The following CNOT6 variants were observed in gnomAD, a reference collection of about 807,000 sequenced individuals.
The protein encoded by CNOT6 is carbon catabolite repression 4 protein.
In CNOT6, 12 loss-of-function variants were observed where a neutral mutation model predicts 61.2. The observed-to-expected ratio is 0.20, with a 90% confidence interval of 0.13 to 0.32. The LOEUF is 0.32. Among genes scored for constraint, CNOT6 ranks in the 10% least tolerant of loss-of-function variants. CNOT6 has a pLI of 1.00. For missense variants in CNOT6, 405 were observed against 663.9 expected, an observed-to-expected ratio of 0.61 and a Z score of 4.28; for synonymous variants, 225 against 240.6, an observed-to-expected ratio of 0.94 and a Z score of 0.60.
At chr5:180,563,246 C>T (rs867569641) in intron 4 of CNOT6, among the ~76,000 whole-genome samples, 15 of 146,210 alleles carry the variant, frequency 1.0e-4, no homozygotes, top group Admixed American at 2.1e-4. Flanking sequence ...GACAGAGTCT[C>T]GCTCTGTTGC....
chr5:180,568,149 C>T, intron 9 of CNOT6, 146 bp downstream of exon 9: 1 of 674,548 alleles, frequency 1.5e-6, no homozygotes, highest in South Asian at 3.2e-5. Context: ...TAAAATGTAT[C>T]TCTTTTTCTC....
chr5:180,505,117 C>T lies in CNOT6; in HGVS notation c.-3+10354C>T, dbSNP rs1015698503. On this transcript the variant is annotated intron_variant, in intron 1 of 11. Transcript: ENST00000261951. ...GGGACTACAGGCCTCTGCCACCACA[C>T]CCAGCTAATTTTTTTTGTATTTTTA... Among the ~76,000 whole-genome samples, 47 of 151,000 alleles carry T rather than the reference C, an allele frequency of 3.1e-4. 1 individual carries two copies. Among genetic ancestry groups the T allele is most frequent in the African/African-American group, 1.1e-3 (46 of 41,150 alleles).
chr5:180,519,580 T>C (rs1025528356), intron 1 of CNOT6, among the ~76,000 whole-genome samples: 15 of 152,278 alleles, frequency 9.9e-5, no homozygotes, highest in African/African-American at 3.6e-4. Context: ...AAATGTATAA[T>C]TTGAGTCTTG....
At chr5:180,539,969 T>C (rs1366558173) in intron 2 of CNOT6, among the ~76,000 whole-genome samples, 1 of 152,222 alleles carries the variant, frequency 6.6e-6, no homozygotes, top group East Asian at 1.9e-4. Context: ...TGTGCTCCCT[T>C]TTCTGTAGTT....
chr5:180,507,323 G>A (rs542840712), intron 1 of CNOT6, among the ~76,000 whole-genome samples: 13 of 152,154 alleles, frequency 8.5e-5, no homozygotes, highest in Non-Finnish European at 1.5e-4. Context: ...TTAGGGGCCC[G>A]GTGTGGTGGC....
intron 1 of CNOT6, among the ~76,000 whole-genome samples, chr5:180,496,863 C>A (rs1756635223): frequency 6.6e-6 from 1 of 152,090 alleles, no homozygotes; most frequent in Admixed American, 6.5e-5. Context: ...AATGCCTGTT[C>A]AATTTGTAGG....
At chr5:180,551,783 G>A (rs1759612737) in intron 3 of CNOT6, among the ~76,000 whole-genome samples, 1 of 151,808 alleles carries the variant, frequency 6.6e-6, no homozygotes, top group African/African-American at 2.4e-5. Flanking sequence ...CCAGCCTTTT[G>A]ACTTTTTTTT....
At chr5:180,513,422 G>C (rs1757488459) in intron 1 of CNOT6, among the ~76,000 whole-genome samples, 1 of 151,926 alleles carries the variant, frequency 6.6e-6, no homozygotes, top group Non-Finnish European at 1.5e-5. Context: ...CCAGCCTGGA[G>C]TCTGGCACAA....
chr5:180,529,845 T>G (rs1010482879), intron 2 of CNOT6, among the ~76,000 whole-genome samples: 9 of 152,230 alleles, frequency 5.9e-5, no homozygotes, highest in African/African-American at 2.2e-4. Flanking sequence ...CATTGGCTTC[T>G]GAGTCTGAGT....
chr5:180,563,074 A>G (rs1392952574), intron 4 of CNOT6, among the ~76,000 whole-genome samples: 3 of 152,232 alleles, frequency 2.0e-5, no homozygotes, highest in Non-Finnish European at 4.4e-5. Flanking sequence ...AAGATCTTAA[A>G]GATAAATGAA....
intron 1 of CNOT6, among the ~76,000 whole-genome samples, chr5:180,510,164 T>TTTTTTTTTTTTG: frequency 1.3e-5 from 1 of 78,936 alleles, no homozygotes; most frequent in Non-Finnish European, 2.9e-5. Context: ...TTTTTTTTTT[T>TTTTTTTTTTTTG]TTTTTAAGAG....
At chr5:180,553,983 T>C (rs2127749201) in intron 4 of CNOT6, among the ~76,000 whole-genome samples, 1 of 152,340 alleles carries the variant, frequency 6.6e-6, no homozygotes, top group East Asian at 1.9e-4. Context: ...GCCAACAATA[T>C]TGAAAGTTAT....
intron 7 of CNOT6, among the ~76,000 whole-genome samples, chr5:180,566,640 CTTTTT>C (rs70973940): frequency 2.2e-4 from 17 of 75,594 alleles, no homozygotes; most frequent in South Asian, 1.3e-3. Context: ...AAAGATGTTA[CTTTTT>C]TTTTTTTTTT....
chr5:180,512,654 T>TGGCGCAATGTCTGCTCACTGCAGC lies in CNOT6; in HGVS notation c.-2-16620_-2-16597dup, dbSNP rs554040923. Among the ~76,000 whole-genome samples the TGGCGCAATGTCTGCTCACTGCAGC allele has an allele frequency of 5.4e-3, 826 of 152,352 alleles. 12 individuals are homozygous for TGGCGCAATGTCTGCTCACTGCAGC. Among genetic ancestry groups the TGGCGCAATGTCTGCTCACTGCAGC allele is most frequent in the African/African-American group, 0.018 (733 of 41,592 alleles). On this transcript the variant is annotated intron_variant, in intron 1 of 11. Transcript: ENST00000261951. ...GCTCTGTTGCCAGGCTGGAGCGCAG[T>TGGCGCAATGTCTGCTCACTGCAGC]GGCGCAATGTCTGCTCACTGCAGCC...
intron 10 of CNOT6, among the ~76,000 whole-genome samples, chr5:180,570,660 T>C (rs985390254): frequency 6.6e-6 from 1 of 152,264 alleles, no homozygotes; most frequent in Non-Finnish European, 1.5e-5. Flanking sequence ...ATGTCCAGCC[T>C]TGCTAATTTG....
At chr5:180,564,785 C>T (rs1306839449) in intron 6 of CNOT6, 42 bp downstream of exon 6, 2 of 1,363,128 alleles carry the variant, frequency 1.5e-6, no homozygotes, top group East Asian at 4.6e-5. Context: ...TTTGCTCAGT[C>T]TCTATAAGCC....
chr5:180,510,468 A>G (rs759078615), intron 1 of CNOT6, among the ~76,000 whole-genome samples: 5 of 152,158 alleles, frequency 3.3e-5, no homozygotes, highest in Non-Finnish European at 7.3e-5. Flanking sequence ...ACTATCGTCT[A>G]ATGGAACTAA....
chr5:180,573,948 G>C, intron 11 of CNOT6, 40 bp from the exon 12 acceptor site: 2 of 1,377,992 alleles, frequency 1.5e-6, no homozygotes, highest in Non-Finnish European at 2.1e-6. Flanking sequence ...TTTTAGTGTT[G>C]TCTTATACGG....
At chr5:180,499,410 TATGGGTTGTAAACATTTTGTGAA>T (rs1170986437) in intron 1 of CNOT6, among the ~76,000 whole-genome samples, 1 of 152,214 alleles carries the variant, frequency 6.6e-6, no homozygotes, top group African/African-American at 2.4e-5. Flanking sequence ...TTTGCTAGGA[TATGGGTTGTAAACATTTTGTGAA>T]ATTTTGGGGG....
Sources: gnomAD v4.1 joint callset for allele counts (sites outside exome capture counted in the v4.1 genomes callset) on GRCh38, gnomAD v4.1.1 for gene constraint, MANE v1.5 for transcripts, NCBI Gene and HGNC (gene_info 2026-07-23, HGNC 2026-07-21) for gene names.